FGF12: variants seen among roughly 807,000 people sequenced by gnomAD.
The protein encoded by FGF12 is fibroblast growth factor 12B.
FGF12 carries 14 observed loss-of-function variants against 23.6 expected under a neutral mutation model. The ratio of observed to expected loss-of-function variants is 0.59; its 90% CI spans 0.39 to 0.93. The LOEUF is 0.93. FGF12 is among the 40% of genes least tolerant of loss of function. The probability of loss-of-function intolerance (pLI) is 0.00; values close to 1 mark genes in which losing one functional copy is unlikely to be tolerated. For synonymous variants in FGF12, 62 were observed against 77.3 expected, an observed-to-expected ratio of 0.80 and a Z score of 1.04; for missense variants, 175 against 217.8, an observed-to-expected ratio of 0.80 and a Z score of 1.24.
intron 2 of FGF12, among the ~76,000 whole-genome samples, chr3:192,532,161 T>C (rs1322591776): frequency 6.6e-6 from 1 of 152,218 alleles, no homozygotes; most frequent in Non-Finnish European, 1.5e-5. Context: ...AGTCTTGTAG[T>C]ATAATTTGAA....
intron 2 of FGF12, among the ~76,000 whole-genome samples, chr3:192,585,154 G>T (rs1167370236): frequency 6.6e-6 from 1 of 152,098 alleles, no homozygotes; most frequent in Non-Finnish European, 1.5e-5. Flanking sequence ...GGAACAAACT[G>T]CATGCCAAGT....
chr3:192,417,819 AG>A (rs1448992758), intron 2 of FGF12, among the ~76,000 whole-genome samples: 3 of 152,082 alleles, frequency 2.0e-5, no homozygotes, highest in African/African-American at 7.2e-5. Context: ...GGGAAGGGAA[AG>A]GTTATGCCCT....
intron 4 of FGF12, among the ~76,000 whole-genome samples, chr3:192,323,533 G>C (rs1412303988): frequency 6.6e-6 from 1 of 152,130 alleles, no homozygotes; most frequent in Non-Finnish European, 1.5e-5. Context: ...TGGAGTTAGA[G>C]AGTAGAATGA....
At chr3:192,393,416 T>G (rs1720391104) in intron 2 of FGF12, among the ~76,000 whole-genome samples, 1 of 152,212 alleles carries the variant, frequency 6.6e-6, no homozygotes, top group Non-Finnish European at 1.5e-5. Flanking sequence ...ACACACACCA[T>G]GAGGTGGCCT....
chr3:192,315,364 C>A (rs1716174955), intron 4 of FGF12, among the ~76,000 whole-genome samples: 1 of 152,192 alleles, frequency 6.6e-6, no homozygotes, highest in African/African-American at 2.4e-5. Context: ...TTCTGCTTCT[C>A]TGCTTTGCCA....
intron 2 of FGF12, among the ~76,000 whole-genome samples, chr3:192,713,963 A>C (rs1216362654): frequency 1.3e-5 from 2 of 152,200 alleles, no homozygotes; most frequent in Non-Finnish European, 2.9e-5. Flanking sequence ...ATTTCATTTA[A>C]ACAATTAAGC....
chr3:192,689,075 T>C (rs1315469155), intron 2 of FGF12, among the ~76,000 whole-genome samples: 1 of 152,002 alleles, frequency 6.6e-6, no homozygotes, highest in Non-Finnish European at 1.5e-5. Context: ...TATCAGAAGA[T>C]GGAAGGGGTA....
chr3:192,499,075 A>G (rs1227414646), intron 2 of FGF12, among the ~76,000 whole-genome samples: 4 of 152,178 alleles, frequency 2.6e-5, no homozygotes, highest in Non-Finnish European at 4.4e-5. Context: ...TATCCCTGAT[A>G]TAGTCTTTGT....
intron 4 of FGF12, among the ~76,000 whole-genome samples, chr3:192,317,298 C>T (rs981231645): frequency 5.3e-5 from 8 of 151,960 alleles, no homozygotes; most frequent in African/African-American, 1.9e-4. Flanking sequence ...CAGCTCCAGG[C>T]CTTGGCTCCT....
At chr3:192,224,800 C>T (rs573166158) in intron 4 of FGF12, among the ~76,000 whole-genome samples, 1 of 152,288 alleles carries the variant, frequency 6.6e-6, no homozygotes, top group South Asian at 2.1e-4. Flanking sequence ...ACATAATCCT[C>T]AGAGTAGTTC....
chr3:192,504,213 A>T (rs1489280691), intron 2 of FGF12, among the ~76,000 whole-genome samples: 3 of 152,070 alleles, frequency 2.0e-5, no homozygotes, highest in Non-Finnish European at 4.4e-5. Flanking sequence ...GGGGAGGGTG[A>T]AGACCAGAAA....
chr3:192,566,978 T>C (rs768977889), intron 2 of FGF12, among the ~76,000 whole-genome samples: 3 of 152,138 alleles, frequency 2.0e-5, no homozygotes, highest in Non-Finnish European at 4.4e-5. Flanking sequence ...TCATACATAT[T>C]AGTCAGCAGC....
In FGF12 at chr3:192,408,264, C is replaced by T. The variant is rs755382852; in HGVS notation, c.14-47726G>A. The stretch of plus-strand genomic sequence containing the variant: ...GCCTCAGGCCCCAGCCTCTACTGCG[C>T]CCTCCGGCTTGCGCTCCGCCGGGGC... On this transcript the variant is annotated intron_variant, in intron 2 of 5. Coordinates refer to ENST00000445105, the MANE Select transcript of FGF12 (RefSeq NM_004113.6). The surrounding 1 kb of genome is among the most constrained non-coding windows in gnomAD (Gnocchi z 7.3). 52 of 1,532,314 alleles carry T rather than the reference C, an allele frequency of 3.4e-5. No homozygotes were observed. The South Asian group carries it at 4.9e-4, about 14-fold the overall frequency. 94.9% of individuals were successfully genotyped at this position (1,532,314 alleles called of 1,614,324 possible).
intron 2 of FGF12, among the ~76,000 whole-genome samples, chr3:192,393,415 A>G (rs542299573): frequency 6.8e-4 from 103 of 152,326 alleles, no homozygotes; most frequent in African/African-American, 2.4e-3. Flanking sequence ...GACACACACC[A>G]TGAGGTGGCC....
intron 2 of FGF12, among the ~76,000 whole-genome samples, chr3:192,534,412 T>C (rs1330259794): frequency 6.6e-6 from 1 of 152,158 alleles, no homozygotes; most frequent in Non-Finnish European, 1.5e-5. Context: ...ATTTTTATTT[T>C]TTAGATGGAG....
intron 4 of FGF12, among the ~76,000 whole-genome samples, chr3:192,249,707 A>T (rs1379675477): frequency 6.6e-6 from 1 of 152,132 alleles, no homozygotes; most frequent in African/African-American, 2.4e-5. Flanking sequence ...TTCAGAATGG[A>T]AAGAACAAAC....
At chr3:192,200,197 CG>C (rs1327253961) in intron 4 of FGF12, among the ~76,000 whole-genome samples, 1 of 151,528 alleles carries the variant, frequency 6.6e-6, no homozygotes, top group East Asian at 1.9e-4. Flanking sequence ...GGTGTGGCTG[CG>C]TGCTCCTGTA....
chr3:192,576,741 G>A (rs748873033), intron 2 of FGF12, among the ~76,000 whole-genome samples: 18 of 152,130 alleles, frequency 1.2e-4, no homozygotes, highest in Non-Finnish European at 2.1e-4. Flanking sequence ...GCAGGGGAGG[G>A]CAGAAAAATA....
chr3:192,414,633 G>C (rs953395973), intron 2 of FGF12, among the ~76,000 whole-genome samples: 1 of 152,132 alleles, frequency 6.6e-6, no homozygotes. Context: ...CACAAGCTGA[G>C]ACTCCAATAA....
Sources: allele counts gnomAD v4.1 joint callset (sites outside exome capture counted in the v4.1 genomes callset), GRCh38; gene constraint gnomAD v4.1.1; non-coding constraint Gnocchi (gnomAD v3.1); transcripts MANE v1.5; gene names NCBI Gene and HGNC (gene_info 2026-07-23, HGNC 2026-07-21).